RASSF8: variants seen among roughly 807,000 people sequenced by gnomAD.
RASSF8 encodes ras association domain-containing protein 8.
A neutral mutation model predicts 48.5 loss-of-function variants in RASSF8; 22 were observed. That is an observed-to-expected ratio of 0.45 (90% CI 0.32 to 0.65). The LOEUF (loss-of-function observed/expected upper bound fraction) is 0.65, where lower values mean the gene tolerates loss of function less well. RASSF8 is among the 30% of genes least tolerant of loss of function. The pLI is 0.03. For synonymous variants in RASSF8, 127 were observed against 171.5 expected (o/e 0.74, Z 2.03); for missense variants, 418 against 489.2 (o/e 0.85, Z 1.37).
chr12:25,973,623 G>A (rs957400855), intron 1 of RASSF8: 12 of 152,312 alleles, frequency 7.9e-5, no homozygotes, highest in Admixed American at 7.2e-4. Flanking sequence ...AAGTCCATAT[G>A]TTGACATCCT....
intron 1 of RASSF8, among the ~76,000 whole-genome samples, chr12:25,990,488 A>G (rs1031805271): frequency 8.5e-5 from 13 of 152,142 alleles, no homozygotes; most frequent in African/African-American, 3.1e-4. Flanking sequence ...TGGTATTACC[A>G]TTTTTCTCTG....
intron 2 of RASSF8, among the ~76,000 whole-genome samples, chr12:26,009,928 A>C (rs1252080740): frequency 6.6e-6 from 1 of 152,226 alleles, no homozygotes; most frequent in East Asian, 1.9e-4. Flanking sequence ...GAGGAGAGAG[A>C]TCAGAAGAAG....
chr12:26,004,154 G>A (rs1942328935), intron 2 of RASSF8, among the ~76,000 whole-genome samples: 1 of 152,102 alleles, frequency 6.6e-6, no homozygotes, highest in South Asian at 2.1e-4. Context: ...TCAAGACTGG[G>A]TGACAGACTG....
intron 2 of RASSF8, among the ~76,000 whole-genome samples, chr12:26,012,589 T>C (rs1046533160): frequency 6.6e-6 from 1 of 152,170 alleles, no homozygotes. Flanking sequence ...TTGTTAATTA[T>C]GTGAGTTGAA....
intron 2 of RASSF8, among the ~76,000 whole-genome samples, chr12:26,025,356 G>A (rs1193446165): frequency 6.6e-6 from 1 of 151,908 alleles, no homozygotes; most frequent in Non-Finnish European, 1.5e-5. Context: ...AGGAGATCGA[G>A]ACCATCCTGG....
chr12:25,982,161 A>G (rs1302342614), intron 1 of RASSF8, among the ~76,000 whole-genome samples: 1 of 152,190 alleles, frequency 6.6e-6, no homozygotes, highest in Non-Finnish European at 1.5e-5. Context: ...TAAAATATAG[A>G]AGGCATGTTA....
intron 2 of RASSF8, among the ~76,000 whole-genome samples, chr12:26,044,076 G>A (rs73298892): frequency 0.027 from 4,157 of 152,218 alleles, 180 homozygotes; most frequent in African/African-American, 0.096. Flanking sequence ...CAACTGCTAG[G>A]CATGAACACT....
intron 5 of RASSF8, chr12:26,078,924 C>A: frequency 1.9e-6 from 2 of 1,064,294 alleles, no homozygotes; most frequent in East Asian, 3.0e-5. Context: ...ACCGAAAAGA[C>A]AAAGACCCAA....
At chr12:26,067,880 C>A (rs979251935) in intron 5 of RASSF8, among the ~76,000 whole-genome samples, 167 bp downstream of exon 5, 3 of 152,146 alleles carry the variant, frequency 2.0e-5, no homozygotes, top group African/African-American at 7.2e-5. Flanking sequence ...ACCCTCCTAC[C>A]TCAGCCTCCT....
intron 3 of RASSF8, among the ~76,000 whole-genome samples, chr12:26,055,860 T>G (rs1451135663): frequency 6.6e-6 from 1 of 152,212 alleles, no homozygotes; most frequent in Admixed American, 6.5e-5. Context: ...AATAACATCG[T>G]TCTTCACTGG....
chr12:26,008,771 A>G (rs1942454539), intron 2 of RASSF8, among the ~76,000 whole-genome samples: 1 of 152,042 alleles, frequency 6.6e-6, no homozygotes, highest in South Asian at 2.1e-4. Flanking sequence ...TAGAATCTTA[A>G]TTTTCTTTTT....
chr12:25,991,216 T>C (rs1293864518), intron 1 of RASSF8, among the ~76,000 whole-genome samples: 1 of 152,180 alleles, frequency 6.6e-6, no homozygotes, highest in East Asian at 1.9e-4. Context: ...GTAGAGCCTC[T>C]TGGAAACTGG....
At position 26,068,694 on chromosome 12, in the gene RASSF8, T is replaced by C; in HGVS notation, c.1139-3T>C. 6.5e-7 allele frequency: 1 copy of C among 1,536,554 alleles called. No individual in the cohort carries two copies. The highest frequency in any genetic ancestry group is 1.2e-5 in the South Asian group (1 of 84,050). ...CAGGTGGCTCTCTTTGTTTCCTGTT[T>C]AGAGGCACCATTCCAGTCTGGGTCC... On this transcript the variant is annotated splice_region_variant and splice_polypyrimidine_tract_variant and intron_variant, in intron 5 of 5. Transcript: ENST00000689635.
chr12:26,027,544 T>C (rs1308508656), intron 2 of RASSF8, among the ~76,000 whole-genome samples: 1 of 152,228 alleles, frequency 6.6e-6, no homozygotes. Context: ...CTTTCATGTT[T>C]TCATGATTCA....
intron 2 of RASSF8, among the ~76,000 whole-genome samples, chr12:26,004,040 T>C (rs183042586): frequency 3.0e-4 from 46 of 152,066 alleles, no homozygotes; most frequent in African/African-American, 1.1e-3. Context: ...AGACAGGTGT[T>C]GTGACATATG....
At chr12:26,055,501 A>G (rs1943582797) in intron 3 of RASSF8, 55 bp downstream of exon 3, 5 of 1,403,344 alleles carry the variant, frequency 3.6e-6, no homozygotes, top group South Asian at 2.3e-5. Flanking sequence ...CTTTCGTTGT[A>G]TGTGTTTGTT....
At chr12:25,979,468 G>T (rs1941687007) in intron 1 of RASSF8, among the ~76,000 whole-genome samples, 1 of 152,034 alleles carries the variant, frequency 6.6e-6, no homozygotes, top group Non-Finnish European at 1.5e-5. Flanking sequence ...GCACTGAGTT[G>T]AGGATTGTGA....
At chr12:25,993,029 C>A (rs372505846) in intron 1 of RASSF8, among the ~76,000 whole-genome samples, 3 of 152,064 alleles carry the variant, frequency 2.0e-5, no homozygotes, top group Non-Finnish European at 4.4e-5. Context: ...TTGTAGGAAT[C>A]AATGGGGAGC....
At chr12:26,050,367 C>A (rs867073659) in intron 2 of RASSF8, among the ~76,000 whole-genome samples, 29 of 152,166 alleles carry the variant, frequency 1.9e-4, no homozygotes, top group African/African-American at 7.0e-4. Flanking sequence ...TAAGTTAGAA[C>A]TTTCACTTCT....
Sources: allele counts gnomAD v4.1 joint callset (sites outside exome capture counted in the v4.1 genomes callset), GRCh38; gene constraint gnomAD v4.1.1; transcripts MANE v1.5; gene names NCBI Gene and HGNC (gene_info 2026-07-23, HGNC 2026-07-21).